LRRFIP2: variants seen among roughly 807,000 people sequenced by gnomAD.
LRRFIP2 encodes leucine-rich repeat flightless-interacting protein 2.
In LRRFIP2, 109 loss-of-function variants were observed where a neutral mutation model predicts 125.9. That is an observed-to-expected ratio of 0.87 (90% CI 0.74 to 1.01). The LOEUF (loss-of-function observed/expected upper bound fraction) is 1.01. Among genes scored for constraint, LRRFIP2 ranks in the 50% least tolerant of loss-of-function variants. LRRFIP2 has a pLI of 0.00. For synonymous variants in LRRFIP2, 291 were observed against 293.1 expected (o/e 0.99, Z 0.07); for missense variants, 850 against 862.3 (o/e 0.99, Z 0.18).
chr3:37,136,971 G>A (rs2095571516), intron 2 of LRRFIP2, among the ~76,000 whole-genome samples: 1 of 100,288 alleles, frequency 1.0e-5, no homozygotes, highest in African/African-American at 3.7e-5. Flanking sequence ...GGGGTGGGGG[G>A]GTGGGGGGGG....
At chr3:37,146,428 T>G (rs2095857399) in intron 2 of LRRFIP2, among the ~76,000 whole-genome samples, 1 of 152,162 alleles carries the variant, frequency 6.6e-6, no homozygotes, top group African/African-American at 2.4e-5. Context: ...TAGCCCCACA[T>G]GCATTAGCTA....
intron 2 of LRRFIP2, among the ~76,000 whole-genome samples, chr3:37,145,665 C>T (rs1002854226): frequency 1.3e-5 from 2 of 152,158 alleles, no homozygotes; most frequent in Non-Finnish European, 2.9e-5. Flanking sequence ...TCCTACTTAG[C>T]TCAAGACTTT....
At chr3:37,162,660 C>G (rs745474232) in intron 1 of LRRFIP2, among the ~76,000 whole-genome samples, 1 of 152,092 alleles carries the variant, frequency 6.6e-6, no homozygotes, top group South Asian at 2.1e-4. Flanking sequence ...ACTTAGCATA[C>G]AGGAAATAAA....
At chr3:37,086,950 T>A (rs2093093186) in intron 18 of LRRFIP2, among the ~76,000 whole-genome samples, 1 of 151,366 alleles carries the variant, frequency 6.6e-6, no homozygotes, top group Admixed American at 6.6e-5. Flanking sequence ...AGCTTCGACC[T>A]CCCCAGACTC....
Position 37,109,684 on chromosome 3 carries a change from C to A in LRRFIP2, c.533G>T (p.Ser178Ile). Residue 178 changes from serine to isoleucine, a missense_variant, in exon 10 of 28, where the codon AGT becomes ATT. Transcript: ENST00000336686. ...ACTCTTATATGTTGCCAGAGGGTCACTGTACAGGGAAGAAGACTGCTAAGA... is the reference window on the plus strand; with the variant it reads ...ACTCTTATATGTTGCCAGAGGGTCAATGTACAGGGAAGAAGACTGCTAAGA... ...YYTRQSSSLY[S>I]DPLATYKSDR... 1 of 1,614,018 alleles carries A rather than the reference C, an allele frequency of 6.2e-7. No homozygotes were observed. Among genetic ancestry groups the A allele is most frequent in the Non-Finnish European group, 8.5e-7 (1 of 1,179,922 alleles).
At chr3:37,103,186 A>G (rs1195639662) in intron 14 of LRRFIP2, among the ~76,000 whole-genome samples, 173 bp from the exon 15 acceptor site, 1 of 152,208 alleles carries the variant, frequency 6.6e-6, no homozygotes, top group Non-Finnish European at 1.5e-5. Flanking sequence ...ATAAAAAAGA[A>G]AAGGGGTTCC....
chr3:37,075,255 TGTATTCTATAGAAAA>T (rs1302433046), intron 19 of LRRFIP2, 139 bp from the exon 20 acceptor site: 1 of 520,774 alleles, frequency 1.9e-6, no homozygotes, highest in African/African-American at 1.9e-5. Context: ...AGAAAAATTG[TGTATTCTATAGAAAA>T]GTTAAGAAAA....
intron 1 of LRRFIP2, among the ~76,000 whole-genome samples, chr3:37,165,713 A>C (rs1392605141): frequency 1.3e-5 from 2 of 151,372 alleles, no homozygotes; most frequent in Non-Finnish European, 2.9e-5. Context: ...CCGAGATTAC[A>C]CCATTGCACT....
intron 19 of LRRFIP2, among the ~76,000 whole-genome samples, chr3:37,076,558 T>C (rs1486983536): frequency 1.3e-5 from 2 of 149,740 alleles, no homozygotes; most frequent in Admixed American, 6.7e-5. Context: ...AATAAAACTT[T>C]TGAATGGCAG....
chr3:37,087,428 A>T (rs1259306419), intron 18 of LRRFIP2, among the ~76,000 whole-genome samples: 1 of 152,234 alleles, frequency 6.6e-6, no homozygotes, highest in Non-Finnish European at 1.5e-5. Flanking sequence ...ATGCATGCAC[A>T]AAATATATAA....
chr3:37,161,537 C>T (rs942230043), intron 1 of LRRFIP2, among the ~76,000 whole-genome samples: 3 of 152,018 alleles, frequency 2.0e-5, no homozygotes, highest in African/African-American at 7.2e-5. Context: ...CAGACTAGTG[C>T]TTTCCACAAA....
intron 4 of LRRFIP2, among the ~76,000 whole-genome samples, chr3:37,127,414 C>T (rs1307866142): frequency 6.6e-6 from 1 of 152,194 alleles, no homozygotes; most frequent in African/African-American, 2.4e-5. Context: ...TGATCAGGAG[C>T]ATTCATGAGA....
rs886972667 is a variant in LRRFIP2 at position 37,079,677 on chromosome 3, G to A, written c.1278+3959C>T. On this transcript the variant is annotated intron_variant, in intron 19 of 27. Coordinates refer to ENST00000336686, the MANE Select transcript of LRRFIP2 (RefSeq NM_006309.4). ...AGGAAAAAGTATAAACAACCCAAAT[G>A]TCAATCAATGCACAAATGGGTAAAC... Among the ~76,000 whole-genome samples the A allele has an allele frequency of 3.3e-5, 5 of 152,238 alleles. No individual in the cohort carries two copies. The East Asian group carries it at 7.7e-4, about 23-fold the overall frequency.
intron 1 of LRRFIP2, among the ~76,000 whole-genome samples, chr3:37,165,340 T>C (rs1039865993): frequency 1.3e-5 from 2 of 151,828 alleles, no homozygotes; most frequent in African/African-American, 2.4e-5. Context: ...TGAGATGAAA[T>C]GGTTTCATCC....
At chr3:37,063,903 T>G in intron 23 of LRRFIP2, 112 bp from the exon 24 acceptor site, 1 of 758,666 alleles carries the variant, frequency 1.3e-6, no homozygotes, top group Non-Finnish European at 2.3e-6. Flanking sequence ...ATTACATTAC[T>G]TACAGCTCTG....
At chr3:37,158,839 T>A (rs1372929801) in intron 1 of LRRFIP2, among the ~76,000 whole-genome samples, 1 of 152,154 alleles carries the variant, frequency 6.6e-6, no homozygotes, top group Non-Finnish European at 1.5e-5. Flanking sequence ...TCACATACCT[T>A]TAATTTTTCC....
intron 2 of LRRFIP2, among the ~76,000 whole-genome samples, chr3:37,129,740 C>A (rs954103793): frequency 6.6e-6 from 1 of 152,154 alleles, no homozygotes; most frequent in Non-Finnish European, 1.5e-5. Context: ...GGCCTGTAAT[C>A]CCAGCACTTT....
chr3:37,069,538 T>C (rs2090783000), intron 21 of LRRFIP2, among the ~76,000 whole-genome samples: 1 of 152,130 alleles, frequency 6.6e-6, no homozygotes, highest in Non-Finnish European at 1.5e-5. Flanking sequence ...GAATGGTAGT[T>C]GCCATTCCAC....
intron 23 of LRRFIP2, chr3:37,064,775 C>T (rs898997039): frequency 6.6e-6 from 1 of 152,146 alleles, no homozygotes; most frequent in African/African-American, 2.4e-5. Flanking sequence ...AACCACTACC[C>T]TCTGTAAACA....
Sources: allele counts gnomAD v4.1 joint callset (sites outside exome capture counted in the v4.1 genomes callset), GRCh38; gene constraint gnomAD v4.1.1; transcripts MANE v1.5; gene names NCBI Gene and HGNC (gene_info 2026-07-23, HGNC 2026-07-21).